The following SLCO5A1 variants were observed in gnomAD, a reference collection of about 807,000 sequenced individuals.
SLCO5A1 encodes solute carrier organic anion transporter family member 5A1, also known as organic anion transporter polypeptide-related protein 4.
A neutral mutation model predicts 65.1 loss-of-function variants in SLCO5A1; 39 were observed. That is an observed-to-expected ratio of 0.60 (90% CI 0.46 to 0.78). The LOEUF (loss-of-function observed/expected upper bound fraction) is 0.78. Ranked by LOEUF, SLCO5A1 falls within the 30% of genes least tolerant of loss-of-function variation. The pLI, the probability that SLCO5A1 is intolerant of heterozygous loss-of-function variation, is 0.00. For synonymous variants in SLCO5A1, 438 were observed against 415.7 expected, an observed-to-expected ratio of 1.05 and a Z score of -0.65; for missense variants, 1,029 against 1,069.4, an observed-to-expected ratio of 0.96 and a Z score of 0.53.
chr8:69,684,626 G>A (rs1257034982), intron 6 of SLCO5A1, among the ~76,000 whole-genome samples: 2 of 151,936 alleles, frequency 1.3e-5, no homozygotes, highest in East Asian at 3.9e-4. Flanking sequence ...CCCTTATTTT[G>A]TATATAATTA....
At chr8:69,755,815 GAT>G (rs1323707209) in intron 3 of SLCO5A1, among the ~76,000 whole-genome samples, 174 bp from the exon 4 acceptor site, 12 of 152,182 alleles carry the variant, frequency 7.9e-5, no homozygotes, top group Non-Finnish European at 1.5e-5. Context: ...CTCTTTCTGT[GAT>G]ATAAATGAGA....
chr8:69,759,677 G>T (rs548245511), intron 3 of SLCO5A1, among the ~76,000 whole-genome samples: 5 of 151,988 alleles, frequency 3.3e-5, no homozygotes, highest in African/African-American at 1.2e-4. Context: ...ATAGAGTCTC[G>T]CTCTGTCACT....
In SLCO5A1 at chr8:69,738,167, C is replaced by T. The variant is rs775516706; in HGVS notation, c.1296G>A (p.Met432Ile). The change falls in exon 5 of 10, where the codon ATG becomes ATA. Residue 432 changes from methionine to isoleucine, a missense_variant. Met to Ile is a conservative substitution (Grantham distance 10). This residue lies in a region of SLCO5A1 where 647 missense variants were observed against 647.5 expected (regional missense o/e 1.00). Transcript: ENST00000260126. ...PRAAVRILSN[M>I]TFLFVSLSYT... Reference sequence around the variant, plus strand: ...ATGACAAACTCACAAAAAGGAATGTCATGTTGCTTAAGATCCTGACAGCTG... The same window carrying T: ...ATGACAAACTCACAAAAAGGAATGTTATGTTGCTTAAGATCCTGACAGCTG... 2 of 1,613,146 alleles carry T rather than the reference C, an allele frequency of 1.2e-6. No homozygotes were observed. The highest frequency in any genetic ancestry group is 1.7e-6 in the Non-Finnish European group (2 of 1,179,502).
At chr8:69,833,747 C>A (rs2130933493) in intron 1 of SLCO5A1, 1 of 152,302 alleles carries the variant, frequency 6.6e-6, no homozygotes, top group Middle Eastern at 3.4e-3. Flanking sequence ...CATTCAAAGC[C>A]GAAGGCAGCA....
chr8:69,703,521 C>T (rs1466774347), intron 6 of SLCO5A1, among the ~76,000 whole-genome samples: 1 of 152,116 alleles, frequency 6.6e-6, no homozygotes, highest in Non-Finnish European at 1.5e-5. Flanking sequence ...TCTATAAATA[C>T]ATAAATAAAT....
At chr8:69,807,861 G>A (rs1236277969) in intron 2 of SLCO5A1, among the ~76,000 whole-genome samples, 8 of 152,090 alleles carry the variant, frequency 5.3e-5, no homozygotes, top group Admixed American at 2.0e-4. Context: ...TCGCCACCAC[G>A]CCCAGGTAAT....
At chr8:69,681,567 T>G (rs1484534841) in intron 7 of SLCO5A1, among the ~76,000 whole-genome samples, 1 of 152,156 alleles carries the variant, frequency 6.6e-6, no homozygotes, top group African/African-American at 2.4e-5. Context: ...CACTCCAGCC[T>G]GGGCAACAAG....
chr8:69,761,893 G>A lies in SLCO5A1; in HGVS notation c.908-18C>T, dbSNP rs1460010703. The A allele has an allele frequency of 5.6e-6, 9 of 1,609,486 alleles. No individual in the cohort carries two copies. Among genetic ancestry groups the A allele is most frequent in the Middle Eastern group, 1.7e-4 (1 of 6,048 alleles). On this transcript the variant is annotated intron_variant, in intron 2 of 9. Transcript: ENST00000260126. ...CATGATGGCTGAGAAGACAGAAGGG[G>A]AAATGTGAAATACAGCGACGTTTTA...
At chr8:69,747,691 G>A (rs1817102938) in intron 4 of SLCO5A1, among the ~76,000 whole-genome samples, 1 of 152,170 alleles carries the variant, frequency 6.6e-6, no homozygotes, top group Non-Finnish European at 1.5e-5. Flanking sequence ...GATACCAAGG[G>A]ATGACTGTAT....
chr8:69,778,714 C>A (rs1384121948), intron 2 of SLCO5A1, among the ~76,000 whole-genome samples: 1 of 152,116 alleles, frequency 6.6e-6, no homozygotes, highest in Non-Finnish European at 1.5e-5. Context: ...AAAGTTAGGA[C>A]AAATCAGTAT....
chr8:69,765,664 T>C (rs917397676), intron 2 of SLCO5A1, among the ~76,000 whole-genome samples: 1 of 152,190 alleles, frequency 6.6e-6, no homozygotes, highest in Non-Finnish European at 1.5e-5. Flanking sequence ...AGGTCTAAAC[T>C]GTCCTACCTG....
intron 5 of SLCO5A1, among the ~76,000 whole-genome samples, chr8:69,727,601 G>A (rs186445805): frequency 6.6e-6 from 1 of 152,136 alleles, no homozygotes; most frequent in African/African-American, 2.4e-5. Context: ...TGCATGGAAG[G>A]CACCTCGCTA....
At chr8:69,751,427 C>G (rs192408453) in intron 4 of SLCO5A1, among the ~76,000 whole-genome samples, 1 of 152,106 alleles carries the variant, frequency 6.6e-6, no homozygotes, top group African/African-American at 2.4e-5. Flanking sequence ...TATGAAAACA[C>G]TGAGTCAGAT....
At chr8:69,681,319 C>A (rs1402139340) in intron 7 of SLCO5A1, among the ~76,000 whole-genome samples, 1 of 152,102 alleles carries the variant, frequency 6.6e-6, no homozygotes, top group African/African-American at 2.4e-5. Flanking sequence ...AGAGGCCGGG[C>A]ACAGTGGCTC....
chr8:69,716,085 G>A (rs1368324038), intron 5 of SLCO5A1, among the ~76,000 whole-genome samples: 1 of 152,076 alleles, frequency 6.6e-6, no homozygotes, highest in African/African-American at 2.4e-5. Flanking sequence ...CATACAATAT[G>A]TGTGCCTGGC....
intron 3 of SLCO5A1, among the ~76,000 whole-genome samples, chr8:69,759,113 A>C (rs1455858188): frequency 2.0e-5 from 3 of 152,154 alleles, no homozygotes; most frequent in South Asian, 2.1e-4. Context: ...ATAAGCACCC[A>C]ATACATTTTA....
At chr8:69,689,184 T>A (rs1417734059) in intron 6 of SLCO5A1, among the ~76,000 whole-genome samples, 2 of 133,054 alleles carry the variant, frequency 1.5e-5, no homozygotes, top group Non-Finnish European at 1.6e-5. Context: ...TTGATGGGGT[T>A]GTTTGTTTTT....
At chr8:69,764,074 A>G (rs954215614) in intron 2 of SLCO5A1, among the ~76,000 whole-genome samples, 3 of 152,306 alleles carry the variant, frequency 2.0e-5, no homozygotes, top group African/African-American at 4.8e-5. Context: ...CACGTTGGCC[A>G]TACTGGTCGC....
intron 5 of SLCO5A1, among the ~76,000 whole-genome samples, chr8:69,714,528 C>A (rs1586716868): frequency 6.6e-6 from 1 of 152,142 alleles, no homozygotes; most frequent in East Asian, 1.9e-4. Context: ...CAAGTTTTGC[C>A]CCTCTATAAC....
Sources: gnomAD v4.1 joint callset for allele counts (sites outside exome capture counted in the v4.1 genomes callset) on GRCh38, gnomAD v4.1.1 for gene constraint, gnomAD v4.1.1 regional missense constraint, MANE v1.5 for transcripts, NCBI Gene and HGNC (gene_info 2026-07-23, HGNC 2026-07-21) for gene names.